TEX11: variants seen among roughly 807,000 people sequenced by gnomAD.
TEX11 encodes the protein testis expressed 11.
A neutral mutation model predicts 84.4 loss-of-function variants in TEX11; 7 were observed. That is an observed-to-expected ratio of 0.08 (90% CI 0.05 to 0.16). The LOEUF (loss-of-function observed/expected upper bound fraction) is 0.16, where lower values mean the gene tolerates loss of function less well. TEX11 is among the 10% of genes least tolerant of loss of function. The probability of loss-of-function intolerance (pLI) is 1.00; values close to 1 mark genes in which losing one functional copy is unlikely to be tolerated. For synonymous variants in TEX11, 264 were observed against 222.8 expected, an observed-to-expected ratio of 1.18 and a Z score of -1.64; for missense variants, 551 against 660.5, an observed-to-expected ratio of 0.83 and a Z score of 1.82.
intron 13 of TEX11, among the ~76,000 whole-genome samples, chrX:70,690,308 A>G: frequency 8.9e-6 from 1 of 112,013 alleles, no homozygotes; most frequent in Non-Finnish European, 1.9e-5. Context: ...ACTATATAAG[A>G]TGGCAATACT....
intron 8 of TEX11, among the ~76,000 whole-genome samples, chrX:70,830,007 A>C (rs1372519185): frequency 9.0e-6 from 1 of 110,966 alleles, no homozygotes; most frequent in Non-Finnish European, 1.9e-5. Context: ...GTAAGTCTTT[A>C]CTTATCAGTA....
chrX:70,649,550 A>G (rs76661822), intron 17 of TEX11, among the ~76,000 whole-genome samples: 8,761 of 111,807 alleles, frequency 0.078, 428 homozygotes, highest in Admixed American at 0.25. Context: ...ATAAAGTTAA[A>G]CATGTATTTA....
chrX:70,735,899 G>C (rs1313015394), intron 11 of TEX11, among the ~76,000 whole-genome samples: 2 of 111,965 alleles, frequency 1.8e-5, no homozygotes, highest in East Asian at 5.6e-4. Flanking sequence ...CCACTGGTAC[G>C]TATTATTTGG....
At chrX:70,904,328 T>C (rs370190576) in intron 2 of TEX11, among the ~76,000 whole-genome samples, 4 of 111,663 alleles carry the variant, frequency 3.6e-5, no homozygotes, top group African/African-American at 1.3e-4. Context: ...CCAACTTCAC[T>C]AGTTATCAGG....
In TEX11 at chrX:70,605,522, T is replaced by G. The variant is rs749275709; in HGVS notation, c.1951-5A>C. ...AGAAGGACAAAACTGGGACATCTGA[T>G]AAGAAGTAACCAGAACATCAATGAA... On this transcript the variant is annotated splice_polypyrimidine_tract_variant and splice_region_variant and intron_variant, in intron 23 of 29. Coordinates refer to ENST00000374333, the MANE Select transcript of TEX11 (RefSeq NM_031276.3). The G allele has an allele frequency of 8.7e-7, 1 of 1,146,625 alleles. No individual in the cohort carries two copies. Among genetic ancestry groups the G allele is most frequent in the Admixed American group, 2.2e-5 (1 of 45,353 alleles). 94.5% of individuals were successfully genotyped at this position (1,146,625 alleles called of 1,213,427 possible).
chrX:70,546,370 C>T lies in TEX11; in HGVS notation c.2520+5756G>A, dbSNP rs181260897. On this transcript the variant is annotated intron_variant, in intron 28 of 29. Transcript: ENST00000374333. ...TTCTCAGCATGACCAAAACACTACC[C>T]ACAAAAGAAAAAATTGATAGATTGG... Among the ~76,000 whole-genome samples, 911 of 111,371 alleles carry T rather than the reference C, an allele frequency of 8.2e-3. 7 individuals carry two copies. Among genetic ancestry groups the T allele is most frequent in the African/African-American group, 0.028 (869 of 30,725 alleles).
At chrX:70,802,005 A>G (rs1269338182) in intron 9 of TEX11, among the ~76,000 whole-genome samples, 1 of 111,684 alleles carries the variant, frequency 9.0e-6, no homozygotes, top group Non-Finnish European at 1.9e-5. Context: ...CAAAACAACT[A>G]ACATACAAGA....
chrX:70,534,736 C>T (rs1477253350), intron 28 of TEX11, among the ~76,000 whole-genome samples: 2 of 111,441 alleles, frequency 1.8e-5, no homozygotes, highest in African/African-American at 6.5e-5. Flanking sequence ...CCATAGATTC[C>T]CAAAGTAAAT....
intron 25 of TEX11, among the ~76,000 whole-genome samples, chrX:70,578,065 T>C (rs2088703656): frequency 8.9e-6 from 1 of 111,891 alleles, no homozygotes; most frequent in Non-Finnish European, 1.9e-5. Context: ...AGATGCCCAA[T>C]GGATACACTT....
the TEX11 span, among the ~76,000 whole-genome samples, chrX:70,511,322 C>T: frequency 1.4e-4 from 16 of 112,560 alleles, no homozygotes; most frequent in African/African-American, 5.2e-4. Flanking sequence ...ATGTGTCAGA[C>T]CCTGTGGATA....
rs190855836 is a variant in TEX11, at chrX:70,586,009, G to A, written c.2140+5742C>T. On this transcript the variant is annotated intron_variant, in intron 25 of 29. Transcript: ENST00000374333. ...GGAGGTTGTAGTGAGCCAAGGTTGT[G>A]CCATTGCACTCCAGCCTGGGCAACA... Among the ~76,000 whole-genome samples the A allele has an allele frequency of 8.0e-5, 9 of 112,848 alleles. No individual in the cohort carries two copies. The East Asian group carries it at 1.1e-3, about 14-fold the overall frequency.
chrX:70,552,201 C>T lies in TEX11; in HGVS notation c.2445G>A (p.Ala815=), dbSNP rs376114732. ...NLVNLSVPDG[A]SNVELCPLEE... is the part of the protein sequence containing the mutation. ...CCAGGGGACAGAGCTCTACATTCGA[C>T]GCCCCATCTGGCACTGAGAGGTTAA... The change falls in exon 28 of 30, where the codon GCG becomes GCA. Residue 815 remains alanine, a synonymous_variant. Transcript: ENST00000374333. 1.2e-4 allele frequency: 144 copies of T among 1,209,230 alleles called. No homozygotes were observed. Among genetic ancestry groups the T allele is most frequent in the South Asian group, 4.8e-4 (27 of 56,639 alleles).
At chrX:70,709,380 A>C (rs1279159534) in intron 13 of TEX11, among the ~76,000 whole-genome samples, 1 of 111,407 alleles carries the variant, frequency 9.0e-6, no homozygotes, top group Non-Finnish European at 1.9e-5. Flanking sequence ...TGAGGTCTTC[A>C]ATATTGTACC....
chrX:70,600,089 T>G (rs369792790), intron 24 of TEX11, among the ~76,000 whole-genome samples: 1 of 111,323 alleles, frequency 9.0e-6, no homozygotes, highest in Non-Finnish European at 1.9e-5. Flanking sequence ...CCTGAGGAAT[T>G]GCCACACTGA....
chrX:70,567,208 T>A (rs1168367887), intron 25 of TEX11, among the ~76,000 whole-genome samples: 2 of 111,146 alleles, frequency 1.8e-5, no homozygotes, highest in African/African-American at 6.5e-5. Flanking sequence ...GTTTGTAGTA[T>A]TCTCTGATGG....
chrX:70,874,395 C>CTTTT (rs34210812), intron 3 of TEX11, among the ~76,000 whole-genome samples: 38 of 48,054 alleles, frequency 7.9e-4, no homozygotes, highest in South Asian at 1.8e-3. Context: ...TGATGACTTC[C>CTTTT]TTTTTTTTTT....
At chrX:70,871,916 C>T (rs1277516023) in intron 4 of TEX11, among the ~76,000 whole-genome samples, 1 of 104,154 alleles carries the variant, frequency 9.6e-6, no homozygotes, top group African/African-American at 3.5e-5. Flanking sequence ...TTTTCTCTTC[C>T]CTAGCTCTCT....
intron 25 of TEX11, among the ~76,000 whole-genome samples, chrX:70,573,804 G>A (rs1348676760): frequency 9.0e-6 from 1 of 111,589 alleles, no homozygotes; most frequent in Non-Finnish European, 1.9e-5. Flanking sequence ...TATGGGTTGA[G>A]GAGACCCTAA....
chrX:70,702,356 A>G (rs2090332885), intron 13 of TEX11, among the ~76,000 whole-genome samples: 1 of 111,759 alleles, frequency 8.9e-6, no homozygotes, highest in Non-Finnish European at 1.9e-5. Flanking sequence ...GGCTCAGATT[A>G]TTATTTTTTT....
Sources: gnomAD v4.1 joint callset for allele counts (sites outside exome capture counted in the v4.1 genomes callset) on GRCh38, gnomAD v4.1.1 for gene constraint, MANE v1.5 for transcripts, NCBI Gene and HGNC (gene_info 2026-07-23, HGNC 2026-07-21) for gene names.